Variants in WDR70 observed in about 807,000 individuals in gnomAD.
The protein encoded by WDR70 is WD repeat-containing protein 70.
WDR70 carries 53 observed loss-of-function variants against 88.6 expected under a neutral mutation model. The observed-to-expected ratio is 0.60, with a 90% CI of 0.48 to 0.75. The LOEUF is 0.75. Among genes scored for constraint, WDR70 ranks in the 30% least tolerant of loss-of-function variants. WDR70 has a pLI of 0.00. For missense variants in WDR70, 610 were observed against 823.2 expected (o/e 0.74, Z 3.17); for synonymous variants, 280 against 270.0 (o/e 1.04, Z -0.36).
chr5:37,601,986 G>A (rs987040707), intron 9 of WDR70, among the ~76,000 whole-genome samples: 7 of 150,350 alleles, frequency 4.7e-5, no homozygotes, highest in East Asian at 2.0e-4. Context: ...ACCAAACACC[G>A]CATGTTCTCA....
At chr5:37,590,300 C>T (rs1743492395) in intron 9 of WDR70, among the ~76,000 whole-genome samples, 2 of 152,156 alleles carry the variant, frequency 1.3e-5, no homozygotes, top group South Asian at 4.1e-4. Flanking sequence ...TTACCACCAG[C>T]CCTGTGCAAG....
At chr5:37,564,795 T>C (rs1410119574) in intron 9 of WDR70, among the ~76,000 whole-genome samples, 1 of 152,236 alleles carries the variant, frequency 6.6e-6, no homozygotes, top group Non-Finnish European at 1.5e-5. Flanking sequence ...AATGAAGTTA[T>C]CCATTTATAC....
At chr5:37,691,608 A>C (rs1378324961) in intron 10 of WDR70, among the ~76,000 whole-genome samples, 1 of 152,232 alleles carries the variant, frequency 6.6e-6, no homozygotes, top group Non-Finnish European at 1.5e-5. Flanking sequence ...CTCCTGAATG[A>C]CTACTGGGTA....
chr5:37,504,225 T>G (rs1740490266), intron 8 of WDR70, among the ~76,000 whole-genome samples: 1 of 152,180 alleles, frequency 6.6e-6, no homozygotes, highest in South Asian at 2.1e-4. Flanking sequence ...TGTCAAATAT[T>G]AAATATCAAT....
chr5:37,657,052 A>G (rs1030247858), intron 10 of WDR70, among the ~76,000 whole-genome samples: 3 of 151,682 alleles, frequency 2.0e-5, no homozygotes, highest in African/African-American at 7.3e-5. Context: ...ATGAAAAGAA[A>G]CTCCTGCAGC....
At chr5:37,396,691 A>G in intron 5 of WDR70, 121 bp downstream of exon 5, 1 of 1,415,894 alleles carries the variant, frequency 7.1e-7, no homozygotes, top group Non-Finnish European at 9.2e-7. Context: ...AAGGCCGGGC[A>G]TGGTGGCTTA....
In WDR70 at chr5:37,702,991, T is replaced by A. The variant is rs897464957; in HGVS notation, c.1320T>A (p.Thr440=). ...GTCCAGATGATAAGCTCATAGTCAC[T>A]GGTACATCTATTCAAAGAGGATGTG... ...CFSPDDKLIV[T]GTSIQRGCGS... Residue 440 remains threonine, a synonymous_variant, in exon 13 of 18, where the codon ACT becomes ACA. Coordinates refer to ENST00000265107, the MANE Select transcript of WDR70 (RefSeq NM_018034.4). 6 of 1,613,784 alleles carry A rather than the reference T, an allele frequency of 3.7e-6. No homozygotes were observed. In the African/African-American group the frequency reaches 6.7e-5, roughly 18 times the overall value.
intron 6 of WDR70, among the ~76,000 whole-genome samples, chr5:37,442,606 AGCCACT>A: frequency 6.6e-6 from 1 of 152,316 alleles, no homozygotes; most frequent in African/African-American, 2.4e-5. Context: ...TACAGGCATG[AGCCACT>A]GTGGCCGGCC....
intron 8 of WDR70, among the ~76,000 whole-genome samples, chr5:37,498,360 T>G (rs970455581): frequency 3.3e-5 from 5 of 152,190 alleles, no homozygotes; most frequent in Admixed American, 6.5e-5. Flanking sequence ...TCCTTTTCAC[T>G]CTTGTTTTTT....
chr5:37,624,389 C>A (rs75561362), intron 10 of WDR70, among the ~76,000 whole-genome samples: 1 of 152,058 alleles, frequency 6.6e-6, no homozygotes, highest in Non-Finnish European at 1.5e-5. Context: ...CTTTTATGAC[C>A]GAGTAGTATT....
intron 17 of WDR70, among the ~76,000 whole-genome samples, chr5:37,747,256 C>A (rs574035327): frequency 6.6e-6 from 1 of 152,102 alleles, no homozygotes; most frequent in South Asian, 2.1e-4. Context: ...ACGTGGCCAA[C>A]AAACGTATGA....
rs979205266 is a variant in WDR70 at position 37,497,299 on chromosome 5, C to T, written c.840+17312C>T. On this transcript the variant is annotated intron_variant, in intron 8 of 17. Transcript: ENST00000265107. ...TTTTCCCTCCCTTTTCCCTTCCCTTCTCCCTTCCCTTCCCTTTCCTTCCCT... is the reference window on the plus strand; with the variant it reads ...TTTTCCCTCCCTTTTCCCTTCCCTTTTCCCTTCCCTTCCCTTTCCTTCCCT... Among the ~76,000 whole-genome samples the T allele has an allele frequency of 1.8e-4, 26 of 143,854 alleles. 1 individual carries two copies. The highest frequency in any genetic ancestry group is 3.8e-4 in the Non-Finnish European group (25 of 65,648). The allele number at this position is 143,854 out of a possible 152,430, so 94.4% of individuals were successfully genotyped here. A position where few individuals can be genotyped will look rare whatever the true frequency, so the allele number is the denominator to read the frequency against.
chr5:37,415,404 C>CG (rs1255371358), intron 5 of WDR70, among the ~76,000 whole-genome samples: 1 of 101,098 alleles, frequency 9.9e-6, no homozygotes, highest in African/African-American at 2.8e-5. Context: ...GCTGGCCGGG[C>CG]GGGGGGCTGA....
intron 9 of WDR70, among the ~76,000 whole-genome samples, chr5:37,601,872 A>G (rs1447538232): frequency 1.3e-5 from 2 of 152,206 alleles, no homozygotes; most frequent in Non-Finnish European, 2.9e-5. Flanking sequence ...CATATACACA[A>G]TGGAATATAT....
chr5:37,537,940 GGTTCAGGAATTA>G (rs1478364564), intron 9 of WDR70, among the ~76,000 whole-genome samples: 1 of 152,116 alleles, frequency 6.6e-6, no homozygotes, highest in Non-Finnish European at 1.5e-5. Context: ...ATACTCTTTT[GGTTCAGGAATTA>G]GTTCAGTGAG....
intron 5 of WDR70, among the ~76,000 whole-genome samples, chr5:37,414,485 C>T (rs1381436561): frequency 6.6e-6 from 1 of 152,282 alleles, no homozygotes; most frequent in East Asian, 1.9e-4. Context: ...CCCCCTGCTC[C>T]CCATCCCACC....
At chr5:37,561,789 G>C (rs1240426753) in intron 9 of WDR70, among the ~76,000 whole-genome samples, 1 of 152,166 alleles carries the variant, frequency 6.6e-6, no homozygotes, top group Non-Finnish European at 1.5e-5. Flanking sequence ...AAATTAGAAA[G>C]GTTCTCTGTT....
chr5:37,396,172 A>T (rs1455011240), intron 4 of WDR70, among the ~76,000 whole-genome samples: 1 of 99,462 alleles, frequency 1.0e-5, no homozygotes, highest in African/African-American at 3.3e-5. Context: ...TTTATTTTTG[A>T]CTGCGTAAGA....
chr5:37,573,832 C>T (rs1237610807), intron 9 of WDR70, among the ~76,000 whole-genome samples: 1 of 152,064 alleles, frequency 6.6e-6, no homozygotes, highest in Admixed American at 6.5e-5. Context: ...TTCATTTTAC[C>T]AAATCCACTG....
Sources: allele counts gnomAD v4.1 joint callset (sites outside exome capture counted in the v4.1 genomes callset), GRCh38; gene constraint gnomAD v4.1.1; transcripts MANE v1.5; gene names NCBI Gene and HGNC (gene_info 2026-07-23, HGNC 2026-07-21).